ARPC5: variants seen among roughly 807,000 people sequenced by gnomAD.
The protein encoded by ARPC5 is actin related protein 2/3 complex subunit 5.
Under a neutral mutation model 15.4 loss-of-function variants are expected in ARPC5, and 5 were observed. The ratio of observed to expected loss-of-function variants is 0.32; its 90% CI spans 0.17 to 0.68. The LOEUF is 0.68. Ranked by LOEUF, ARPC5 falls within the 30% of genes least tolerant of loss-of-function variation. ARPC5 has a pLI of 0.71. For missense variants in ARPC5, 138 were observed against 192.8 expected, an observed-to-expected ratio of 0.72 and a Z score of 1.68; for synonymous variants, 85 against 72.2, an observed-to-expected ratio of 1.18 and a Z score of -0.90.
At chr1:183,631,812 T>C (rs1434032190) in intron 2 of ARPC5, 1 of 152,226 alleles carries the variant, frequency 6.6e-6, no homozygotes, top group Non-Finnish European at 1.5e-5. Flanking sequence ...AAAAGCCTGC[T>C]TCAAAAGCAG....
Position 183,635,718 on chromosome 1 carries a change from C to A in ARPC5, c.-59G>T. On this transcript the variant is annotated 5_prime_UTR_variant, in exon 1 of 4. Transcript: ENST00000359856. ...GGCGCTGCCTCTACCTCAGCAAGCC[C>A]AGCCCAGCAACCCACTACCCGGCGC... The A allele has an allele frequency of 6.4e-7, 1 of 1,574,442 alleles. No homozygotes were observed. Among genetic ancestry groups the A allele is most frequent in the Non-Finnish European group, 8.6e-7 (1 of 1,158,840 alleles).
rs1648974274 is a variant in ARPC5, at chr1:183,622,729, A to G, written c.*4803T>C. ...TTCTCTGGTGACTTCTGGCAAAGCTAAACACTATAGGGGCTGCACGTGGTA... is the reference window on the plus strand; with the variant it reads ...TTCTCTGGTGACTTCTGGCAAAGCTGAACACTATAGGGGCTGCACGTGGTA... On this transcript the variant is annotated 3_prime_UTR_variant, in exon 4 of 4. Transcript: ENST00000359856. 6.6e-6 allele frequency: 1 copy of G among 152,228 alleles called. No homozygotes were observed. Among genetic ancestry groups the G allele is most frequent in the African/African-American group, 2.4e-5 (1 of 41,428 alleles). 9.4% of individuals were successfully genotyped at this position (152,228 alleles called of 1,614,324 possible). A position where few individuals can be genotyped will look rare whatever the true frequency, so the allele number is the denominator to read the frequency against.
chr1:183,635,479 C>G, intron 1 of ARPC5, 38 bp downstream of exon 1: 6 of 969,840 alleles, frequency 6.2e-6, no homozygotes, highest in African/African-American at 3.5e-5. Flanking sequence ...GCGGGCTGGG[C>G]TGGGCTGGGG....
rs866283698 is a variant in ARPC5 at position 183,627,321 on chromosome 1, A to C, written c.*211T>G. 5.9e-5 allele frequency: 35 copies of C among 593,812 alleles called. No individual in the cohort carries two copies. Among genetic ancestry groups the C allele is most frequent in the African/African-American group, 5.4e-4 (29 of 53,536 alleles). 36.8% of individuals were successfully genotyped at this position (593,812 alleles called of 1,614,324 possible). ...TGAAATGGTTTTGAAAGGATGAAACACTTCTATTTTAACACAATTTCTTCT... is the reference window on the plus strand; with the variant it reads ...TGAAATGGTTTTGAAAGGATGAAACCCTTCTATTTTAACACAATTTCTTCT... On this transcript the variant is annotated 3_prime_UTR_variant, in exon 4 of 4. Coordinates refer to ENST00000359856, the MANE Select transcript of ARPC5 (RefSeq NM_005717.4).
rs1016397738 is a variant in ARPC5 at position 183,621,643 on chromosome 1, T to C, written c.*5889A>G. On this transcript the variant is annotated 3_prime_UTR_variant, in exon 4 of 4. Coordinates refer to ENST00000359856, the MANE Select transcript of ARPC5 (RefSeq NM_005717.4). ...TGCTGGTTGCCCATTTTAACGGTTATTTCTTGATGATATGCTAAACAAGGG... is the reference window on the plus strand; with the variant it reads ...TGCTGGTTGCCCATTTTAACGGTTACTTCTTGATGATATGCTAAACAAGGG... 6.6e-6 allele frequency: 1 copy of C among 152,224 alleles called. No individual in the cohort carries two copies. Among genetic ancestry groups the C allele is most frequent in the Admixed American group, 6.5e-5 (1 of 15,270 alleles). The allele number at this position is 152,224 out of a possible 1,614,324, so 9.4% of individuals were successfully genotyped here.
chr1:183,633,272 T>C, intron 1 of ARPC5, 118 bp from the exon 2 acceptor site: 1 of 654,006 alleles, frequency 1.5e-6, no homozygotes, highest in African/African-American at 1.9e-5. Flanking sequence ...CTATGTTCAA[T>C]ACTGGAAATT....
At chr1:183,627,825 T>C (rs1373951431) in intron 3 of ARPC5, among the ~76,000 whole-genome samples, 2 of 152,204 alleles carry the variant, frequency 1.3e-5, no homozygotes, top group Non-Finnish European at 2.9e-5. Context: ...AGTTACATTC[T>C]AGTGAGATAC....
rs545421605 is a variant in ARPC5 at position 183,635,660 on chromosome 1, C to T, written c.-1G>A. On this transcript the variant is annotated 5_prime_UTR_variant, in exon 1 of 4. Transcript: ENST00000359856. Reference sequence around the variant, plus strand: ...CCGACGACACTGTGTTCTTCGACATCCCAATCCCGACCAGCGGCAAAGGCC... The same window carrying T: ...CCGACGACACTGTGTTCTTCGACATTCCAATCCCGACCAGCGGCAAAGGCC... 1.2e-6 allele frequency: 2 copies of T among 1,611,054 alleles called. No individual in the cohort carries two copies. Among genetic ancestry groups the T allele is most frequent in the South Asian group, 1.1e-5 (1 of 90,594 alleles).
In ARPC5 at chr1:183,633,043, A is replaced by G. The variant is rs138541093; in HGVS notation, c.216+39T>C. ...TGCAGAGGATTTTACTAAGAATAAG[A>G]TATCAGCAGAGATCACTGTGTTGTA... On this transcript the variant is annotated intron_variant, in intron 2 of 3. Coordinates refer to ENST00000359856, the MANE Select transcript of ARPC5 (RefSeq NM_005717.4). 4,791 of 1,429,596 alleles carry G rather than the reference A, an allele frequency of 3.4e-3. 22 individuals carry two copies. The highest frequency in any genetic ancestry group is 4.2e-3 in the Non-Finnish European group (4,410 of 1,039,632). 88.6% of individuals were successfully genotyped at this position (1,429,596 alleles called of 1,614,324 possible).
chr1:183,634,795 TAGC>T (rs1401168335), intron 1 of ARPC5, among the ~76,000 whole-genome samples: 1 of 152,194 alleles, frequency 6.6e-6, no homozygotes, highest in African/African-American at 2.4e-5. Flanking sequence ...GTCCTTTTCT[TAGC>T]AGGTAAAAGG....
In ARPC5 at chr1:183,624,958, T is replaced by C. The variant is rs987586754; in HGVS notation, c.*2574A>G. 2.6e-5 allele frequency: 4 copies of C among 152,222 alleles called. No homozygotes were observed. The highest frequency in any genetic ancestry group is 2.9e-5 in the Non-Finnish European group (2 of 68,034). The allele number at this position is 152,222 out of a possible 1,614,324, so 9.4% of individuals were successfully genotyped here. On this transcript the variant is annotated 3_prime_UTR_variant, in exon 4 of 4. Transcript: ENST00000359856. ...ACCATCTACACATTGATTTCACCCA[T>C]GTTCATGTCCTTAAAATATCATCAT... is the stretch of plus-strand genomic sequence containing the variant.
At chr1:183,633,408 G>C (rs1649324889) in intron 1 of ARPC5, 2 of 270,748 alleles carry the variant, frequency 7.4e-6, no homozygotes, top group Admixed American at 5.4e-5. Flanking sequence ...TGAACACCTT[G>C]ATAGTCTTTC....
intron 1 of ARPC5, 108 bp downstream of exon 1, chr1:183,635,409 G>A: frequency 7.6e-7 from 1 of 1,318,166 alleles, no homozygotes; most frequent in East Asian, 2.6e-5. Flanking sequence ...CGCAGGTTGA[G>A]AGGGCAGCTC....
At chr1:183,627,898 G>T (rs769587765) in intron 3 of ARPC5, among the ~76,000 whole-genome samples, 63 of 152,114 alleles carry the variant, frequency 4.1e-4, no homozygotes, top group Non-Finnish European at 8.4e-4. Flanking sequence ...CATAGGCCGG[G>T]CGCGGTGGCT....
At chr1:183,628,265 T>C (rs372609578) in intron 3 of ARPC5, among the ~76,000 whole-genome samples, 8 of 147,646 alleles carry the variant, frequency 5.4e-5, no homozygotes, top group African/African-American at 2.0e-4. Context: ...TCTCACCACA[T>C]AGTCAGAAGA....
Position 183,626,021 on chromosome 1 carries a change from A to G in ARPC5, c.*1511T>C, listed in dbSNP as rs1383492836. 1 of 152,240 alleles carries G rather than the reference A, an allele frequency of 6.6e-6. No individual in the cohort carries two copies. Among genetic ancestry groups the G allele is most frequent in the Non-Finnish European group, 1.5e-5 (1 of 68,056 alleles). The allele number at this position is 152,240 out of a possible 1,614,324, so 9.4% of individuals were successfully genotyped here. A position where few individuals can be genotyped will look rare whatever the true frequency, so the allele number is the denominator to read the frequency against. On this transcript the variant is annotated 3_prime_UTR_variant, in exon 4 of 4. Transcript: ENST00000359856. ...GCTATGGAATCACTCCAAAGGCTTCAGTAGTGCTCTGACATCATTCATGAC... is the reference window on the plus strand; with the variant it reads ...GCTATGGAATCACTCCAAAGGCTTCGGTAGTGCTCTGACATCATTCATGAC...
At chr1:183,635,399 C>T in intron 1 of ARPC5, 118 bp downstream of exon 1, 1 of 1,231,300 alleles carries the variant, frequency 8.1e-7, no homozygotes, top group Non-Finnish European at 1.1e-6. Context: ...CAGGTTAAGC[C>T]GCAGGTTGAG....
intron 3 of ARPC5, 62 bp from the exon 4 acceptor site, chr1:183,627,656 T>C: frequency 7.3e-7 from 1 of 1,372,852 alleles, no homozygotes; most frequent in Non-Finnish European, 1.0e-6. Flanking sequence ...TCATATTTGG[T>C]AAAACATTTT....
chr1:183,625,780 TG>T lies in ARPC5; in HGVS notation c.*1751del, dbSNP rs1297742758. On this transcript the variant is annotated 3_prime_UTR_variant, in exon 4 of 4. Coordinates refer to ENST00000359856, the MANE Select transcript of ARPC5 (RefSeq NM_005717.4). ...TTCACCCATAGGACCCTGAATTGCCTGGAAGTGTTTTAAAGTGGGAATCTAG... is the reference window on the plus strand; with the variant it reads ...TTCACCCATAGGACCCTGAATTGCCTGAAGTGTTTTAAAGTGGGAATCTAG... 1.3e-5 allele frequency: 2 copies of T among 152,196 alleles called. No individual in the cohort carries two copies. Among genetic ancestry groups the T allele is most frequent in the Non-Finnish European group, 2.9e-5 (2 of 68,030 alleles). The allele number at this position is 152,196 out of a possible 1,614,324, so 9.4% of individuals were successfully genotyped here. A position where few individuals can be genotyped will look rare whatever the true frequency, so the allele number is the denominator to read the frequency against.
Sources: gnomAD v4.1 joint callset for allele counts (sites outside exome capture counted in the v4.1 genomes callset) on GRCh38, gnomAD v4.1.1 for gene constraint, MANE v1.5 for transcripts, NCBI Gene and HGNC (gene_info 2026-07-23, HGNC 2026-07-21) for gene names.